CAST: variants seen among roughly 807,000 people sequenced by gnomAD.
CAST encodes MIR583 host.
In CAST, 76 loss-of-function variants were observed where a neutral mutation model predicts 119.6. The ratio of observed to expected loss-of-function variants is 0.64; its 90% CI spans 0.53 to 0.77. CAST has a LOEUF of 0.77. Ranked by LOEUF, CAST falls within the 30% of genes least tolerant of loss-of-function variation. The pLI, the probability that CAST is intolerant of heterozygous loss-of-function variation, is 0.00. For synonymous variants in CAST, 319 were observed against 331.6 expected (o/e 0.96, Z 0.41); for missense variants, 953 against 946.5 (o/e 1.01, Z -0.09).
chr5:96,735,213 G>A (rs138266666), intron 9 of CAST, among the ~76,000 whole-genome samples: 16 of 152,296 alleles, frequency 1.1e-4, no homozygotes, highest in South Asian at 2.1e-4. Context: ...TTCATACTTC[G>A]TATAGATTCA....
chr5:96,021,589 G>T, the CAST span, among the ~76,000 whole-genome samples: 1 of 152,056 alleles, frequency 6.6e-6, no homozygotes, highest in Non-Finnish European at 1.5e-5. Context: ...GGGACTACAG[G>T]CGCCCGCCAC....
chr5:96,065,587 T>C, the CAST span, among the ~76,000 whole-genome samples: 926 of 152,224 alleles, frequency 6.1e-3, 13 homozygotes, highest in African/African-American at 0.021. Context: ...ATAAGGTAAG[T>C]GATAGGATTT....
the CAST span, among the ~76,000 whole-genome samples, chr5:96,005,355 G>T: frequency 1.3e-5 from 2 of 152,050 alleles, no homozygotes; most frequent in East Asian, 3.9e-4. Flanking sequence ...GGGAAGAAAT[G>T]GAATGGATGG....
intron 1 of CAST, among the ~76,000 whole-genome samples, chr5:96,585,691 C>T (rs1746847380): frequency 6.6e-6 from 1 of 152,118 alleles, no homozygotes; most frequent in African/African-American, 2.4e-5. Flanking sequence ...GAGAGAGTTG[C>T]CCAGTCACCC....
At chr5:95,983,624 A>G in the CAST span, among the ~76,000 whole-genome samples, 1 of 152,160 alleles carries the variant, frequency 6.6e-6, no homozygotes, top group Non-Finnish European at 1.5e-5. Flanking sequence ...GTGCTTCTGT[A>G]TTATTTGAAT....
the CAST span, among the ~76,000 whole-genome samples, chr5:96,378,487 C>A: frequency 2.6e-5 from 4 of 151,942 alleles, no homozygotes; most frequent in South Asian, 8.3e-4. Flanking sequence ...GTCAATTATA[C>A]CTTGATAAAC....
the CAST span, among the ~76,000 whole-genome samples, chr5:96,066,013 G>A: frequency 6.6e-6 from 1 of 152,174 alleles, no homozygotes; most frequent in Non-Finnish European, 1.5e-5. Flanking sequence ...GAAGAGAACA[G>A]ACTAGAACAC....
At chr5:96,739,994 G>A (rs1333886931) in intron 11 of CAST, 44 bp from the exon 12 acceptor site, 1 of 893,870 alleles carries the variant, frequency 1.1e-6, no homozygotes, top group Non-Finnish European at 1.8e-6. Context: ...GCATTGTCAG[G>A]TAATTAATTA....
chr5:96,406,096 T>C, the CAST span, among the ~76,000 whole-genome samples: 1 of 152,148 alleles, frequency 6.6e-6, no homozygotes, highest in Non-Finnish European at 1.5e-5. Flanking sequence ...GGATTACCTA[T>C]GCAGGCTGAC....
chr5:96,503,807 C>T, the CAST span, among the ~76,000 whole-genome samples: 2 of 152,224 alleles, frequency 1.3e-5, no homozygotes, highest in African/African-American at 2.4e-5. Flanking sequence ...AACACCTCCA[C>T]CCTTTTAGTC....
chr5:96,671,891 C>T (rs1750126001), intron 1 of CAST, among the ~76,000 whole-genome samples: 1 of 152,190 alleles, frequency 6.6e-6, no homozygotes, highest in African/African-American at 2.4e-5. Flanking sequence ...ATTCCATCCT[C>T]TCAGTTATGT....
chr5:96,491,739 C>T, the CAST span, among the ~76,000 whole-genome samples: 2 of 151,860 alleles, frequency 1.3e-5, no homozygotes, highest in Non-Finnish European at 2.9e-5. Context: ...GTAATAACCC[C>T]AAATTAAAAA....
the CAST span, among the ~76,000 whole-genome samples, chr5:96,366,517 T>G: frequency 2.0e-5 from 3 of 152,214 alleles, no homozygotes; most frequent in Admixed American, 2.0e-4. Context: ...CTTGGAGGCT[T>G]TGTTCCTTTC....
Position 96,726,345 on chromosome 5 carries a change from C to T in CAST, c.271-449C>T, listed in dbSNP as rs146397877. 2.5e-3 allele frequency among the ~76,000 whole-genome samples: 382 copies of T among 152,214 alleles called. 4 individuals are homozygous for T. The highest frequency in any genetic ancestry group is 8.7e-3 in the African/African-American group (363 of 41,522). The stretch of plus-strand genomic sequence containing the variant: ...AGAAGCATTTCTAGAACTTTAAATT[C>T]GATCTCTGCATACAGGACTGTGATG... On this transcript the variant is annotated intron_variant, in intron 4 of 31. Transcript: ENST00000675179.
chr5:96,361,315 C>T, the CAST span, among the ~76,000 whole-genome samples: 7 of 152,152 alleles, frequency 4.6e-5, no homozygotes, highest in Admixed American at 1.3e-4. Context: ...TCCCTGGTTT[C>T]GGCCCCCTTT....
chr5:96,099,850 G>A, the CAST span, among the ~76,000 whole-genome samples: 3 of 152,208 alleles, frequency 2.0e-5, no homozygotes, highest in Admixed American at 6.5e-5. Context: ...CATAGAATGA[G>A]TTAGAAAGGA....
At chr5:96,523,230 G>A (rs918401143), upstream of CAST, among the ~76,000 whole-genome samples, 1 of 152,202 alleles carries the variant, frequency 6.6e-6, no homozygotes, top group African/African-American at 2.4e-5. Context: ...ACATGGCACT[G>A]CTGCTGACTG....
At chr5:96,140,633 C>A in the CAST span, among the ~76,000 whole-genome samples, 1 of 152,328 alleles carries the variant, frequency 6.6e-6, no homozygotes, top group Non-Finnish European at 1.5e-5. Context: ...AAATTTCTTA[C>A]TTATAAAATG....
intron 2 of CAST, among the ~76,000 whole-genome samples, chr5:96,690,177 G>A (rs993958735): frequency 6.6e-6 from 1 of 152,072 alleles, no homozygotes; most frequent in Non-Finnish European, 1.5e-5. Flanking sequence ...CACCATAGTG[G>A]GTGTTATTAA....
Sources: gnomAD v4.1 joint callset for allele counts (sites outside exome capture counted in the v4.1 genomes callset) on GRCh38, gnomAD v4.1.1 for gene constraint, MANE v1.5 for transcripts, NCBI Gene and HGNC (gene_info 2026-07-23, HGNC 2026-07-21) for gene names.